Variants in KIF5B observed in about 807,000 individuals in gnomAD.
KIF5B encodes the protein kinesin-1 heavy chain.
In KIF5B, 49 loss-of-function variants were observed where a neutral mutation model predicts 132.8. The observed-to-expected ratio is 0.37, with a 90% CI of 0.29 to 0.47. The LOEUF (loss-of-function observed/expected upper bound fraction) is 0.47, where lower values mean the gene tolerates loss of function less well. KIF5B is among the 20% of genes least tolerant of loss of function. The pLI is 1.00. For missense variants in KIF5B, 780 were observed against 1,144.0 expected (o/e 0.68, Z 4.59); for synonymous variants, 355 against 369.4 (o/e 0.96, Z 0.45).
At position 32,035,573 on chromosome 10, in the gene KIF5B, G is replaced by A. The variant is rs750890838; in HGVS notation, c.911C>T (p.Pro304Leu). The A allele has an allele frequency of 6.2e-7, 1 of 1,613,280 alleles. No homozygotes were observed. The highest frequency in any genetic ancestry group is 2.2e-5 in the East Asian group (1 of 44,798). ...CRTTIVICCS[P>L]SSYNESETKS... ...TGTTTCAGACTCATTGTATGATGAT[G>A]GAGAGCAGCAAATTACAATAGTGGT... The change falls in exon 10 of 26, where the codon CCA (proline) becomes CTA (leucine). Residue 304 changes from proline to leucine, a missense_variant. Transcript: ENST00000302418.
chr10:32,024,093 T>A (rs1592441861), intron 15 of KIF5B, among the ~76,000 whole-genome samples: 10 of 106,502 alleles, frequency 9.4e-5, no homozygotes, highest in Admixed American at 1.9e-4. Context: ...CACAGAGAAA[T>A]AATGCAAAAC....
intron 15 of KIF5B, among the ~76,000 whole-genome samples, chr10:32,027,401 A>G (rs1327155446): frequency 6.6e-6 from 1 of 152,166 alleles, no homozygotes; most frequent in Non-Finnish European, 1.5e-5. Context: ...CTTTAAAAAG[A>G]TTAGGACAAA....
chr10:32,024,146 C>CTTTTTTTT lies in KIF5B; in HGVS notation c.1726-1118_1726-1111dup, dbSNP rs769483155. ...TTATATCCAAAACATATGAAGAACT[C>CTTTTTTTT]TTTTTTTTTTTTTTTTTTTTTTTTT... On this transcript the variant is annotated intron_variant, in intron 15 of 25. Coordinates refer to ENST00000302418, the MANE Select transcript of KIF5B (RefSeq NM_004521.3). Among the ~76,000 whole-genome samples the CTTTTTTTT allele has an allele frequency of 3.9e-4, 27 of 69,752 alleles. 5 individuals are homozygous for CTTTTTTTT. Among genetic ancestry groups the CTTTTTTTT allele is most frequent in the African/African-American group, 1.4e-3 (23 of 16,258 alleles). The allele number at this position is 69,752 out of a possible 152,430, so 45.8% of individuals were successfully genotyped here.
In KIF5B at chr10:32,018,492, T is replaced by G. The variant is rs1841209158; in HGVS notation, c.2367+10A>C. 6.2e-7 allele frequency: 1 copy of G among 1,610,542 alleles called. No homozygotes were observed. The highest frequency in any genetic ancestry group is 1.1e-5 in the South Asian group (1 of 90,180). On this transcript the variant is annotated intron_variant, in intron 21 of 25. Transcript: ENST00000302418. The stretch of plus-strand genomic sequence containing the variant: ...TTTCCCAATCCTGTTTATTTTCATG[T>G]TTTTCTTACCACTGTCTCTTCCAAA...
Position 32,039,368 on chromosome 10 carries a change from A to G in KIF5B, c.352T>C (p.Tyr118His). 2.0e-6 allele frequency: 3 copies of G among 1,483,550 alleles called. No individual in the cohort carries two copies. Among genetic ancestry groups the G allele is most frequent in the Non-Finnish European group, 2.8e-6 (3 of 1,084,382 alleles). The allele number at this position is 1,483,550 out of a possible 1,614,324, so 91.9% of individuals were successfully genotyped here. A position where few individuals can be genotyped will look rare whatever the true frequency, so the allele number is the denominator to read the frequency against. Reference protein sequence around the residue: ...IPRIVQDIFNYIYSMDENLEF... With the variant: ...IPRIVQDIFNHIYSMDENLEF... ...AAATTTTCATCCATGGAGTAAATAT[A>G]ATTAAAAATATCTTGCACTATTCTT... is the stretch of plus-strand genomic sequence containing the variant. The change falls in exon 4 of 26, where the codon TAT becomes CAT. Residue 118 changes from tyrosine (Y) to histidine (H), a missense_variant. By Grantham distance (83) the Tyr-to-His change is moderately conservative (BLOSUM62 2). Coordinates refer to ENST00000302418, the MANE Select transcript of KIF5B (RefSeq NM_004521.3).
At chr10:32,047,607 A>G (rs1357660356) in intron 2 of KIF5B, among the ~76,000 whole-genome samples, 2 of 152,172 alleles carry the variant, frequency 1.3e-5, no homozygotes, top group African/African-American at 4.8e-5. Context: ...TGATATAATG[A>G]GTACATACAC....
chr10:32,026,547 T>TA (rs1268731548), intron 15 of KIF5B, among the ~76,000 whole-genome samples: 2 of 150,566 alleles, frequency 1.3e-5, no homozygotes, highest in Non-Finnish European at 3.0e-5. Context: ...TTTTTTTTTT[T>TA]AATTAGAATA....
chr10:32,017,040 G>C (rs949865492), intron 24 of KIF5B, 103 bp downstream of exon 24: 8 of 909,694 alleles, frequency 8.8e-6, no homozygotes, highest in East Asian at 2.4e-5. Context: ...AGAAAATAGA[G>C]ACAGATGCAC....
intron 15 of KIF5B, among the ~76,000 whole-genome samples, chr10:32,023,833 C>A (rs1212777176): frequency 6.6e-6 from 1 of 151,992 alleles, no homozygotes; most frequent in Non-Finnish European, 1.5e-5. Flanking sequence ...ACACACCTTA[C>A]CCCTTTCAGA....
intron 14 of KIF5B, among the ~76,000 whole-genome samples, chr10:32,028,897 T>A (rs1023842931): frequency 4.6e-5 from 7 of 152,210 alleles, no homozygotes; most frequent in Admixed American, 6.5e-5. Flanking sequence ...GATTATCACT[T>A]ATTACTATAT....
intron 13 of KIF5B, among the ~76,000 whole-genome samples, chr10:32,031,629 G>A (rs1040369588): frequency 1.3e-5 from 2 of 151,998 alleles, no homozygotes; most frequent in Non-Finnish European, 2.9e-5. Flanking sequence ...GGAGAAGTTG[G>A]CTAGGAGAGA....
At position 32,009,087 on chromosome 10, in the gene KIF5B, G is replaced by A. The variant is rs1564459524; in HGVS notation, c.*2450C>T. 6.6e-6 allele frequency: 1 copy of A among 152,208 alleles called. No homozygotes were observed. Among genetic ancestry groups the A allele is most frequent in the Non-Finnish European group, 1.5e-5 (1 of 68,018 alleles). 9.4% of individuals were successfully genotyped at this position (152,208 alleles called of 1,614,324 possible). On this transcript the variant is annotated 3_prime_UTR_variant, in exon 26 of 26. Transcript: ENST00000302418. The stretch of plus-strand genomic sequence containing the variant: ...ATGCAAGTTAACTTAAAATTAAACG[G>A]TGTCTTCCCAAACCAAGTATTTGTG...
chr10:32,017,240 T>C lies in KIF5B; in HGVS notation c.2664A>G (p.Ala888=). The C allele has an allele frequency of 6.2e-7, 1 of 1,614,250 alleles. No individual in the cohort carries two copies. Among genetic ancestry groups the C allele is most frequent in the African/African-American group, 1.3e-5 (1 of 75,072 alleles). The change falls in exon 24 of 26, where the codon GCA becomes GCG. Residue 888 remains alanine, a synonymous_variant. Transcript: ENST00000302418. ...ESALKEAKEN[A]SRDRKRYQQE... Reference sequence around the variant, plus strand: ...GCTGATAGCGTTTGCGATCACGAGATGCATTTTCTTTAGCTTCTTTCAGTG... The same window carrying C: ...GCTGATAGCGTTTGCGATCACGAGACGCATTTTCTTTAGCTTCTTTCAGTG...
At chr10:32,048,425 C>T in intron 2 of KIF5B, 39 bp downstream of exon 2, 1 of 1,356,998 alleles carries the variant, frequency 7.4e-7, no homozygotes, top group Admixed American at 2.0e-5. Context: ...AACTTATTTA[C>T]TTATTGCTGA....
intron 25 of KIF5B, among the ~76,000 whole-genome samples, chr10:32,013,775 T>C (rs1003672878): frequency 6.6e-6 from 1 of 152,184 alleles, no homozygotes; most frequent in Non-Finnish European, 1.5e-5. Flanking sequence ...CAAGTCAGAA[T>C]GAGAAAAAAA....
Position 32,038,807 on chromosome 10 carries a change from T to A in KIF5B, c.413A>T (p.Tyr138Phe). ...TAACAGGTCCCTTATCTTATCCAAA[T>A]ATATTTCAAAATATGAAACCTAAAG... ...FHIKVSYFEI[Y>F]LDKIRDLLDV... The change falls in exon 5 of 26, where the codon TAT becomes TTT. Residue 138 changes from tyrosine to phenylalanine, a missense_variant. Physicochemically the swap from Tyr to Phe is conservative, Grantham distance 22 (BLOSUM62 3). This residue lies in a region of KIF5B where 76 missense variants were observed against 146.4 expected (regional missense o/e 0.52). Coordinates refer to ENST00000302418, the MANE Select transcript of KIF5B (RefSeq NM_004521.3). 1 of 1,505,750 alleles carries A rather than the reference T, an allele frequency of 6.6e-7. No homozygotes were observed. The highest frequency in any genetic ancestry group is 2.3e-5 in the East Asian group (1 of 44,228). The allele number at this position is 1,505,750 out of a possible 1,614,324, so 93.3% of individuals were successfully genotyped here. A position where few individuals can be genotyped will look rare whatever the true frequency, so the allele number is the denominator to read the frequency against.
chr10:32,015,210 A>C (rs1841142547), intron 25 of KIF5B, among the ~76,000 whole-genome samples: 2 of 152,318 alleles, frequency 1.3e-5, no homozygotes, highest in South Asian at 4.1e-4. Flanking sequence ...GGAAAAAATT[A>C]ATATAATTAC....
chr10:32,056,170 A>C lies in KIF5B; in HGVS notation c.-197T>G. ...CCGGCGCCGGCAGCCGTTAACCCTAATGCTCACTTCCGATCCATCATGGCA... is the reference window on the plus strand; with the variant it reads ...CCGGCGCCGGCAGCCGTTAACCCTACTGCTCACTTCCGATCCATCATGGCA... On this transcript the variant is annotated 5_prime_UTR_variant, in exon 1 of 26. Transcript: ENST00000302418. 3 of 587,884 alleles carry C rather than the reference A, an allele frequency of 5.1e-6. No individual in the cohort carries two copies. The highest frequency in any genetic ancestry group is 3.2e-5 in the East Asian group (1 of 31,020). 36.4% of individuals were successfully genotyped at this position (587,884 alleles called of 1,614,324 possible). A position where few individuals can be genotyped will look rare whatever the true frequency, so the allele number is the denominator to read the frequency against.
chr10:32,031,185 T>A lies in KIF5B; in HGVS notation c.1469A>T (p.Glu490Val). ...AAGTTCTTCTAGGGCCTGTAAAACT[T>A]CTTTCACTTCTTCTTTAGAGGCATC... ...ENDASKEEVK[E>V]VLQALEELAV... The change falls in exon 14 of 26, where the codon GAA (glutamate) becomes GTA (valine). Residue 490 changes from glutamate to valine, a missense_variant. Physicochemically the swap from Glu to Val is moderately radical, Grantham distance 121 (BLOSUM62 -2). Coordinates refer to ENST00000302418, the MANE Select transcript of KIF5B (RefSeq NM_004521.3). The A allele has an allele frequency of 6.2e-7, 1 of 1,614,074 alleles. No individual in the cohort carries two copies. The highest frequency in any genetic ancestry group is 2.2e-5 in the East Asian group (1 of 44,870).
Sources: gnomAD v4.1 joint callset for allele counts (sites outside exome capture counted in the v4.1 genomes callset) on GRCh38, gnomAD v4.1.1 for gene constraint, gnomAD v4.1.1 regional missense constraint, MANE v1.5 for transcripts, NCBI Gene and HGNC (gene_info 2026-07-23, HGNC 2026-07-21) for gene names.